The following PTPRG variants were observed in gnomAD, a reference collection of about 807,000 sequenced individuals.
PTPRG encodes receptor-type tyrosine-protein phosphatase gamma.
PTPRG carries 102 observed loss-of-function variants against 165.3 expected under a neutral mutation model. The observed-to-expected ratio is 0.62, with a 90% confidence interval of 0.53 to 0.73. The LOEUF (loss-of-function observed/expected upper bound fraction) is 0.73, where lower values mean the gene tolerates loss of function less well. PTPRG is among the 30% of genes least tolerant of loss of function. PTPRG has a pLI of 0.00. For synonymous variants in PTPRG, 675 were observed against 669.5 expected (o/e 1.01, Z -0.13); for missense variants, 1,866 against 1,861.4 (o/e 1.00, Z -0.05).
At chr3:61,918,746 G>A (rs575498951) in intron 2 of PTPRG, among the ~76,000 whole-genome samples, 23 of 152,270 alleles carry the variant, frequency 1.5e-4, no homozygotes, top group African/African-American at 4.8e-4. Context: ...GATGGGAAAT[G>A]CCCTTACTGT....
intron 2 of PTPRG, among the ~76,000 whole-genome samples, chr3:61,874,513 TC>T (rs1003925712): frequency 2.0e-5 from 3 of 147,584 alleles, no homozygotes; most frequent in African/African-American, 7.3e-5. Flanking sequence ...TTTTCTTTCT[TC>T]CTTTTTTTTT....
chr3:61,891,432 A>C (rs767713417), intron 2 of PTPRG, among the ~76,000 whole-genome samples: 3 of 152,218 alleles, frequency 2.0e-5, no homozygotes, highest in Non-Finnish European at 4.4e-5. Context: ...CTGAAAGACA[A>C]TGTGGAGATT....
intron 4 of PTPRG, among the ~76,000 whole-genome samples, chr3:62,071,222 G>T (rs1701200459): frequency 6.6e-6 from 1 of 152,102 alleles, no homozygotes; most frequent in African/African-American, 2.4e-5. Context: ...ACTCCGTCAT[G>T]ATTTTTTTTC....
At chr3:62,085,940 A>G (rs1442854747) in intron 5 of PTPRG, among the ~76,000 whole-genome samples, 1 of 152,220 alleles carries the variant, frequency 6.6e-6, no homozygotes, top group Non-Finnish European at 1.5e-5. Flanking sequence ...CTTCAAAAGT[A>G]GCTTCATTTT....
chr3:61,761,587 A>C (rs1343400905), intron 2 of PTPRG, among the ~76,000 whole-genome samples: 1 of 58,360 alleles, frequency 1.7e-5, no homozygotes, highest in African/African-American at 5.7e-5. Context: ...CAAAACAAAG[A>C]AACAAACAAA....
intron 8 of PTPRG, among the ~76,000 whole-genome samples, chr3:62,179,526 C>G (rs1705567884): frequency 6.6e-6 from 1 of 152,224 alleles, no homozygotes; most frequent in Non-Finnish European, 1.5e-5. Context: ...AGAGAAGAGC[C>G]TTCTCGCTGA....
At chr3:61,826,488 ACC>A in intron 2 of PTPRG, among the ~76,000 whole-genome samples, 1 of 151,616 alleles carries the variant, frequency 6.6e-6, no homozygotes, top group African/African-American at 2.4e-5. Context: ...TCTTGGAGTC[ACC>A]CAGTCCTTTC....
At chr3:62,155,541 G>A (rs1704502790) in intron 6 of PTPRG, among the ~76,000 whole-genome samples, 1 of 152,206 alleles carries the variant, frequency 6.6e-6, no homozygotes, top group Admixed American at 6.5e-5. Flanking sequence ...AAAGCTCTTA[G>A]AACAGGGCCT....
chr3:61,621,035 A>G (rs12632689), intron 1 of PTPRG, among the ~76,000 whole-genome samples: 29,156 of 110,764 alleles, frequency 0.26, 3,253 homozygotes, highest in East Asian at 0.3. Context: ...GTGTGTGTGT[A>G]TATATATATA....
At chr3:61,580,508 T>C (rs1349369952) in intron 1 of PTPRG, among the ~76,000 whole-genome samples, 1 of 151,950 alleles carries the variant, frequency 6.6e-6, no homozygotes, top group Non-Finnish European at 1.5e-5. Context: ...AGCTAATTTT[T>C]GTATTTTTAG....
At chr3:61,726,759 T>G (rs2032273934) in intron 1 of PTPRG, among the ~76,000 whole-genome samples, 1 of 152,162 alleles carries the variant, frequency 6.6e-6, no homozygotes, top group Admixed American at 6.6e-5. Context: ...CTTATTAAGA[T>G]TGAATTGGCC....
At chr3:62,043,498 CATAAG>C (rs1234999080) in intron 4 of PTPRG, among the ~76,000 whole-genome samples, 2 of 152,112 alleles carry the variant, frequency 1.3e-5, no homozygotes, top group African/African-American at 4.8e-5. Flanking sequence ...GAGCCCTTCT[CATAAG>C]AGAATAAACA....
intron 2 of PTPRG, among the ~76,000 whole-genome samples, chr3:61,901,009 C>T (rs1347218419): frequency 3.3e-5 from 5 of 152,162 alleles, no homozygotes; most frequent in Admixed American, 1.3e-4. Context: ...GTTAGTTCAG[C>T]GCCTGGAACA....
At chr3:62,256,983 T>C (rs1023251522) in intron 16 of PTPRG, among the ~76,000 whole-genome samples, 2 of 152,106 alleles carry the variant, frequency 1.3e-5, no homozygotes, top group Admixed American at 6.5e-5. Flanking sequence ...AGAGCTTAAA[T>C]AGTATTAGCT....
intron 11 of PTPRG, among the ~76,000 whole-genome samples, 199 bp from the exon 12 acceptor site, chr3:62,202,974 A>G (rs1031463334): frequency 4.6e-5 from 7 of 152,128 alleles, no homozygotes; most frequent in African/African-American, 1.7e-4. Flanking sequence ...CAATTATAAA[A>G]CCATTAAAAA....
intron 14 of PTPRG, among the ~76,000 whole-genome samples, chr3:62,239,992 A>G (rs576774310): frequency 6.6e-6 from 1 of 152,298 alleles, no homozygotes; most frequent in East Asian, 1.9e-4. Flanking sequence ...AAAGCTGACA[A>G]TAGACTGACC....
At chr3:62,014,905 A>G (rs1477064125) in intron 4 of PTPRG, among the ~76,000 whole-genome samples, 1 of 152,234 alleles carries the variant, frequency 6.6e-6, no homozygotes, top group Non-Finnish European at 1.5e-5. Context: ...GACTTAGGAA[A>G]TGCTGCATGA....
In PTPRG at chr3:62,237,246, C is replaced by T. The variant is rs1453037799; in HGVS notation, c.2375+5935C>T. Among the ~76,000 whole-genome samples, 1 of 152,078 alleles carries T rather than the reference C, an allele frequency of 6.6e-6. No homozygotes were observed. Among genetic ancestry groups the T allele is most frequent in the African/African-American group, 2.4e-5 (1 of 41,382 alleles). On this transcript the variant is annotated intron_variant, in intron 14 of 29. Transcript: ENST00000474889. The surrounding 1 kb of genome is among the most constrained non-coding windows in gnomAD (Gnocchi z 4.5). ...AAATTTGGTCATTCTGGGTATTCTT[C>T]CTTAAGAATTCCTGGGTGGAAATGG...
intron 5 of PTPRG, among the ~76,000 whole-genome samples, chr3:62,084,714 C>A (rs1004335127): frequency 6.6e-6 from 1 of 152,138 alleles, no homozygotes; most frequent in Non-Finnish European, 1.5e-5. Flanking sequence ...TTTCACCTTC[C>A]CCCTCCTTCC....
Sources: gnomAD v4.1 joint callset for allele counts (sites outside exome capture counted in the v4.1 genomes callset) on GRCh38, gnomAD v4.1.1 for gene constraint, Gnocchi (gnomAD v3.1) non-coding constraint, MANE v1.5 for transcripts, NCBI Gene and HGNC (gene_info 2026-07-23, HGNC 2026-07-21) for gene names.